The following RAPGEF4 variants were observed in gnomAD, a reference collection of about 807,000 sequenced individuals.
The protein encoded by RAPGEF4 is RAP guanine-nucleotide-exchange factor (GEF) 4.
RAPGEF4 carries 66 observed loss-of-function variants against 147.9 expected under a neutral mutation model. That is an observed-to-expected ratio of 0.45 (90% confidence interval 0.37 to 0.55). RAPGEF4 has a LOEUF of 0.55. RAPGEF4 is among the 20% of genes least tolerant of loss of function. RAPGEF4 has a pLI of 0.00. For synonymous variants in RAPGEF4, 419 were observed against 442.7 expected (o/e 0.95, Z 0.67); for missense variants, 1,071 against 1,257.3 (o/e 0.85, Z 2.24).
intron 6 of RAPGEF4, among the ~76,000 whole-genome samples, chr2:172,953,932 CA>C (rs1010171800): frequency 3.3e-5 from 5 of 152,184 alleles, no homozygotes; most frequent in Non-Finnish European, 7.3e-5. Flanking sequence ...TGGCTACAGT[CA>C]GAGAACCTTA....
At chr2:172,959,535 A>T (rs1559145727) in intron 6 of RAPGEF4, among the ~76,000 whole-genome samples, 1 of 151,728 alleles carries the variant, frequency 6.6e-6, no homozygotes. Context: ...AATCAGGGGG[A>T]GTATTATTCT....
chr2:172,778,357 A>G (rs1426094212), intron 1 of RAPGEF4, among the ~76,000 whole-genome samples: 1 of 152,062 alleles, frequency 6.6e-6, no homozygotes, highest in African/African-American at 2.4e-5. Flanking sequence ...TCTGATTACT[A>G]ATCTAGAGAC....
At chr2:172,762,391 T>A (rs553638456) in intron 1 of RAPGEF4, among the ~76,000 whole-genome samples, 62 of 152,256 alleles carry the variant, frequency 4.1e-4, no homozygotes, top group African/African-American at 1.4e-3. Context: ...GCGAGGAGAA[T>A]CACATATTTA....
chr2:173,027,037 G>T (rs1296000084), intron 24 of RAPGEF4, 44 bp from the exon 25 acceptor site: 2 of 1,504,314 alleles, frequency 1.3e-6, no homozygotes, highest in Non-Finnish European at 1.8e-6. Context: ...CTGGTGTTTT[G>T]ATTTAAAAAA....
chr2:172,808,827 T>G (rs546916026), intron 3 of RAPGEF4, among the ~76,000 whole-genome samples: 2 of 152,330 alleles, frequency 1.3e-5, no homozygotes, highest in East Asian at 1.9e-4. Flanking sequence ...GCTTTTCCAC[T>G]CTGCTGCTTC....
At chr2:172,931,171 GTGGGGGGGGGGGGCGC>G (rs1685887752) in intron 6 of RAPGEF4, among the ~76,000 whole-genome samples, 1 of 45,814 alleles carries the variant, frequency 2.2e-5, no homozygotes, top group South Asian at 1.5e-3. Context: ...CCAGGCCGGG[GTGGGGGGGGGGGGCGC>G]TGGGGGGCGG....
At chr2:172,800,251 A>C (rs10194482) in intron 3 of RAPGEF4, among the ~76,000 whole-genome samples, 53,403 of 152,044 alleles carry the variant, frequency 0.35, 9,934 homozygotes, top group Middle Eastern at 0.47. Context: ...ATTGACTCCT[A>C]CACCCTCTAG....
intron 4 of RAPGEF4, among the ~76,000 whole-genome samples, chr2:172,843,054 A>C (rs749378198): frequency 3.9e-5 from 6 of 152,158 alleles, no homozygotes; most frequent in Non-Finnish European, 8.8e-5. Context: ...TTTTGATGTA[A>C]TCACAGTGAT....
At chr2:172,852,150 G>A (rs1476595968) in intron 4 of RAPGEF4, among the ~76,000 whole-genome samples, 1 of 152,086 alleles carries the variant, frequency 6.6e-6, no homozygotes, top group Non-Finnish European at 1.5e-5. Context: ...CAGTAACTCT[G>A]CAGACAGTGT....
intron 4 of RAPGEF4, among the ~76,000 whole-genome samples, chr2:172,822,264 T>C (rs954215693): frequency 4.6e-5 from 7 of 152,218 alleles, no homozygotes; most frequent in African/African-American, 1.7e-4. Context: ...AAGTAGTTGT[T>C]CATAACTAGG....
At chr2:172,814,655 A>T (rs1049815941) in intron 4 of RAPGEF4, 9 of 527,936 alleles carry the variant, frequency 1.7e-5, no homozygotes, top group African/African-American at 1.1e-4. Flanking sequence ...GTAGTTTGAC[A>T]TACCTTATAA....
intron 3 of RAPGEF4, among the ~76,000 whole-genome samples, chr2:172,810,439 T>G (rs931281949): frequency 2.6e-5 from 4 of 152,208 alleles, no homozygotes; most frequent in African/African-American, 7.2e-5. Context: ...CTCACACACA[T>G]GCAGATCAAC....
chr2:173,017,684 G>T (rs1468315173), intron 21 of RAPGEF4, among the ~76,000 whole-genome samples, 180 bp downstream of exon 21: 1 of 152,194 alleles, frequency 6.6e-6, no homozygotes, highest in Admixed American at 6.5e-5. Context: ...TCTTGTGCCT[G>T]AAGCCGAGAT....
intron 17 of RAPGEF4, among the ~76,000 whole-genome samples, chr2:173,011,329 T>G (rs1575512735): frequency 6.6e-6 from 1 of 152,242 alleles, no homozygotes; most frequent in Admixed American, 6.5e-5. Context: ...GGGGTGGGAA[T>G]AGTGGAAAGA....
chr2:172,811,550 C>A (rs923662735), intron 3 of RAPGEF4, among the ~76,000 whole-genome samples: 2 of 152,076 alleles, frequency 1.3e-5, no homozygotes, highest in Non-Finnish European at 2.9e-5. Flanking sequence ...TTGAATAGTC[C>A]CTATTAAATA....
chr2:172,930,271 T>G (rs1372250738), intron 6 of RAPGEF4, among the ~76,000 whole-genome samples: 3 of 152,156 alleles, frequency 2.0e-5, no homozygotes, highest in Non-Finnish European at 4.4e-5. Context: ...AAAACCTGGC[T>G]TCCAAGCCAT....
chr2:172,747,062 C>T (rs1694841736), intron 1 of RAPGEF4, among the ~76,000 whole-genome samples: 1 of 152,148 alleles, frequency 6.6e-6, no homozygotes, highest in Non-Finnish European at 1.5e-5. Flanking sequence ...AGATATTACT[C>T]ACAACTTAGT....
intron 8 of RAPGEF4, among the ~76,000 whole-genome samples, chr2:172,964,401 A>ATTTTTTTTTTTTTTTTTTTTT (rs11374637): frequency 1.7e-5 from 2 of 115,166 alleles, no homozygotes; most frequent in Non-Finnish European, 3.4e-5. Context: ...TGCTCCTCCT[A>ATTTTTTTTTTTTTTTTTTTTT]TTTTTTTTTT....
intron 3 of RAPGEF4, among the ~76,000 whole-genome samples, chr2:172,812,743 G>A (rs1197404493): frequency 6.6e-6 from 1 of 152,196 alleles, no homozygotes; most frequent in African/African-American, 2.4e-5. Flanking sequence ...AAGACATGCT[G>A]GAAAGTAAAA....
Sources: allele counts gnomAD v4.1 joint callset (sites outside exome capture counted in the v4.1 genomes callset), GRCh38; gene constraint gnomAD v4.1.1; transcripts MANE v1.5; gene names NCBI Gene and HGNC (gene_info 2026-07-23, HGNC 2026-07-21).